Variants in NRG3 observed in about 807,000 individuals in gnomAD.
NRG3 encodes pro-neuregulin-3, membrane-bound isoform.
In NRG3, 31 loss-of-function variants were observed where a neutral mutation model predicts 66.9. The observed-to-expected ratio is 0.46, with a 90% CI of 0.35 to 0.63. The LOEUF (loss-of-function observed/expected upper bound fraction) is 0.63, where lower values mean the gene tolerates loss of function less well. Ranked by LOEUF, NRG3 falls within the 20% of genes least tolerant of loss-of-function variation. NRG3 has a pLI of 0.00. For missense variants in NRG3, 910 were observed against 878.9 expected (o/e 1.04, Z -0.45); for synonymous variants, 393 against 359.4 (o/e 1.09, Z -1.06).
chr10:82,041,107 G>A (rs1451562250), intron 1 of NRG3, among the ~76,000 whole-genome samples: 2 of 151,954 alleles, frequency 1.3e-5, no homozygotes, highest in Non-Finnish European at 2.9e-5. Context: ...TATGTCATTC[G>A]CATTTGAAAA....
At chr10:81,970,585 T>G (rs988182968) in intron 1 of NRG3, among the ~76,000 whole-genome samples, 1 of 152,238 alleles carries the variant, frequency 6.6e-6, no homozygotes, top group Admixed American at 6.5e-5. Flanking sequence ...AATTAAGTAT[T>G]TTGTGAACCC....
rs561519672 is a variant in NRG3 at position 82,595,822 on chromosome 10, G to T, written c.954-142755G>T. Among the ~76,000 whole-genome samples, 8 of 151,880 alleles carry T rather than the reference G, an allele frequency of 5.3e-5. No individual in the cohort carries two copies. The East Asian group carries it at 5.8e-4, about 11-fold the overall frequency. On this transcript the variant is annotated intron_variant, in intron 2 of 8. Transcript: ENST00000372141. ...TAGATTGGAACTTTTAGTCATATTC[G>T]TTCAGCTTGAATTCTAGTTCACTAG... is the stretch of plus-strand genomic sequence containing the variant.
In NRG3 at chr10:82,670,046, T is replaced by G. The variant is rs527877494; in HGVS notation, c.954-68531T>G. Among the ~76,000 whole-genome samples the G allele has an allele frequency of 7.2e-5, 11 of 152,304 alleles. No homozygotes were observed. In the East Asian group the frequency reaches 2.1e-3, roughly 29 times the overall value. On this transcript the variant is annotated intron_variant, in intron 2 of 8. Coordinates refer to ENST00000372141, the MANE Select transcript of NRG3 (RefSeq NM_001010848.4). The stretch of plus-strand genomic sequence containing the variant: ...CTGAGAATCATTTTGTTTAGACCAC[T>G]GTAAGACTTAAAAAAAATTAATAAC...
chr10:81,964,603 G>C (rs2059660631), intron 1 of NRG3, among the ~76,000 whole-genome samples: 1 of 152,188 alleles, frequency 6.6e-6, no homozygotes, highest in East Asian at 1.9e-4. Context: ...ACCTGGGTGA[G>C]TATGTGACCC....
intron 1 of NRG3, among the ~76,000 whole-genome samples, chr10:82,298,472 T>C (rs1291362900): frequency 1.3e-5 from 2 of 152,180 alleles, no homozygotes; most frequent in Non-Finnish European, 2.9e-5. Context: ...CATTTAACAT[T>C]TATAATTTTA....
intron 2 of NRG3, among the ~76,000 whole-genome samples, chr10:82,576,372 CA>C (rs149465934): frequency 3.3e-5 from 5 of 149,856 alleles, no homozygotes; most frequent in South Asian, 2.1e-4. Flanking sequence ...CTTAAGGTCT[CA>C]AAAAAAAATA....
chr10:82,450,365 G>C (rs1431496918), intron 2 of NRG3, among the ~76,000 whole-genome samples: 1 of 152,108 alleles, frequency 6.6e-6, no homozygotes, highest in East Asian at 1.9e-4. Flanking sequence ...TAAACCTTTG[G>C]TCTCATTCTG....
intron 1 of NRG3, among the ~76,000 whole-genome samples, chr10:82,329,526 A>C (rs2082041307): frequency 6.6e-6 from 1 of 151,792 alleles, no homozygotes; most frequent in African/African-American, 2.4e-5. Flanking sequence ...GATTGAAATA[A>C]GAAGACATCC....
intron 2 of NRG3, among the ~76,000 whole-genome samples, chr10:82,387,089 C>T (rs1162637238): frequency 4.6e-5 from 7 of 152,198 alleles, no homozygotes; most frequent in East Asian, 3.9e-4. Context: ...CGTAAGCCAC[C>T]GCACCCAGCC....
intron 2 of NRG3, among the ~76,000 whole-genome samples, chr10:82,698,042 A>G (rs922873169): frequency 1.3e-5 from 2 of 152,166 alleles, no homozygotes; most frequent in Non-Finnish European, 2.9e-5. Flanking sequence ...TTTTTCAGCT[A>G]TACAGAACTG....
chr10:82,235,342 G>T (rs924444375), intron 1 of NRG3, among the ~76,000 whole-genome samples: 2 of 152,174 alleles, frequency 1.3e-5, no homozygotes, highest in African/African-American at 4.8e-5. Context: ...CCAATGTCTG[G>T]ACTAGAGTAT....
intron 6 of NRG3, among the ~76,000 whole-genome samples, chr10:82,967,263 A>G (rs1166437639): frequency 6.6e-6 from 1 of 151,656 alleles, no homozygotes. Flanking sequence ...AGACTAACAC[A>G]TATCTAAATT....
intron 2 of NRG3, among the ~76,000 whole-genome samples, chr10:82,468,935 C>A (rs941243536): frequency 6.6e-6 from 1 of 152,034 alleles, no homozygotes; most frequent in Non-Finnish European, 1.5e-5. Flanking sequence ...AAAAAACAAA[C>A]AACATTCCTG....
At chr10:82,902,611 G>A (rs1382920424) in intron 4 of NRG3, among the ~76,000 whole-genome samples, 1 of 152,044 alleles carries the variant, frequency 6.6e-6, no homozygotes, top group African/African-American at 2.4e-5. Context: ...ATAACTTTTA[G>A]AAACTCCAAA....
chr10:82,913,562 C>A (rs1158799048), intron 4 of NRG3, among the ~76,000 whole-genome samples: 3 of 152,120 alleles, frequency 2.0e-5, no homozygotes, highest in Admixed American at 1.3e-4. Context: ...ATTTCACTGG[C>A]TACAGAATTC....
chr10:82,706,919 A>G (rs2056328580), intron 2 of NRG3, among the ~76,000 whole-genome samples: 4 of 151,640 alleles, frequency 2.6e-5, no homozygotes, highest in East Asian at 1.9e-4. Context: ...GCATGAACCC[A>G]GGAGGCGGAG....
At chr10:82,620,000 G>A (rs1027088208) in intron 2 of NRG3, among the ~76,000 whole-genome samples, 6 of 152,118 alleles carry the variant, frequency 3.9e-5, no homozygotes, top group Non-Finnish European at 5.9e-5. Flanking sequence ...CTTGTGACAC[G>A]GATGCCCCAT....
At chr10:82,723,586 GA>G (rs901846425) in intron 2 of NRG3, among the ~76,000 whole-genome samples, 173 of 150,052 alleles carry the variant, frequency 1.2e-3, no homozygotes, top group African/African-American at 3.7e-3. Context: ...TTTTAACTTG[GA>G]AAAAAAAATA....
chr10:82,696,788 A>G (rs919164940), intron 2 of NRG3, among the ~76,000 whole-genome samples: 2 of 152,248 alleles, frequency 1.3e-5, no homozygotes, highest in African/African-American at 4.8e-5. Context: ...AAAATGAGCA[A>G]GCAGAGAGAT....
Sources: allele counts gnomAD v4.1 joint callset (sites outside exome capture counted in the v4.1 genomes callset), GRCh38; gene constraint gnomAD v4.1.1; transcripts MANE v1.5; gene names NCBI Gene and HGNC (gene_info 2026-07-23, HGNC 2026-07-21).